Variants in PLA2G5 observed in about 807,000 individuals in gnomAD.
PLA2G5 encodes the protein phospholipase A2 group V.
Under a neutral mutation model 15.9 loss-of-function variants are expected in PLA2G5, and 12 were observed. That is an observed-to-expected ratio of 0.76 (90% confidence interval 0.48 to 1.23). The LOEUF (loss-of-function observed/expected upper bound fraction) is 1.23, where lower values mean the gene tolerates loss of function less well. PLA2G5 is among the 50% of genes most tolerant of loss of function. The pLI is 0.00. For synonymous variants in PLA2G5, 71 were observed against 71.4 expected, an observed-to-expected ratio of 0.99 and a Z score of 0.03; for missense variants, 169 against 177.1, an observed-to-expected ratio of 0.95 and a Z score of 0.26.
intron 1 of PLA2G5, among the ~76,000 whole-genome samples, chr1:20,079,138 C>G (rs1404450171): frequency 7.1e-6 from 1 of 141,592 alleles, no homozygotes; most frequent in Non-Finnish European, 1.5e-5. Flanking sequence ...AAAAAAAATC[C>G]AAGTCTTCTC....
chr1:20,029,221 C>G (rs2012744952), intron 1 of PLA2G5, among the ~76,000 whole-genome samples: 2 of 152,134 alleles, frequency 1.3e-5, no homozygotes, highest in Admixed American at 1.3e-4. Flanking sequence ...GCTTGGCACC[C>G]TGCGCTCTCC....
Position 20,086,120 on chromosome 1 carries a change from A to C in PLA2G5, c.78A>C (p.Lys26Asn). 1 of 1,614,116 alleles carries C rather than the reference A, an allele frequency of 6.2e-7. No homozygotes were observed. Among genetic ancestry groups the C allele is most frequent in the Non-Finnish European group, 8.5e-7 (1 of 1,180,024 alleles). ...PAVQGGLLDL[K>N]SMIEKVTGKN... is the part of the protein sequence containing the mutation. ...TGCAAGGAGGCTTGCTGGACCTAAA[A>C]TCAATGATCGAGAAGGTGACAGGGA... Residue 26 changes from lysine to asparagine, a missense_variant, in exon 3 of 5, where the codon AAA becomes AAC. Lys to Asn is a moderately conservative substitution (Grantham distance 94). Coordinates refer to ENST00000375108, the MANE Select transcript of PLA2G5 (RefSeq NM_000929.3).
chr1:20,042,313 A>C (rs2013644944), intron 1 of PLA2G5, among the ~76,000 whole-genome samples: 1 of 152,222 alleles, frequency 6.6e-6, no homozygotes, highest in South Asian at 2.1e-4. Flanking sequence ...GGTGAGGAAC[A>C]GGAAAGAAGG....
At chr1:20,032,048 G>A (rs1319508589) in intron 1 of PLA2G5, among the ~76,000 whole-genome samples, 1 of 152,116 alleles carries the variant, frequency 6.6e-6, no homozygotes, top group Non-Finnish European at 1.5e-5. Flanking sequence ...TAGGCTGAGG[G>A]GATTTTAGGG....
At chr1:20,028,422 C>G (rs2012668692), upstream of PLA2G5, 1 of 152,182 alleles carries the variant, frequency 6.6e-6, no homozygotes, top group Non-Finnish European at 1.5e-5. Flanking sequence ...TAAGCACGGT[C>G]TGTGAAATGG....
intron 1 of PLA2G5, among the ~76,000 whole-genome samples, chr1:20,052,383 T>C (rs1334579632): frequency 6.6e-6 from 1 of 152,236 alleles, no homozygotes; most frequent in East Asian, 1.9e-4. Flanking sequence ...TGTAAAGCTC[T>C]GTGAACTGAA....
rs376863100 is a variant in PLA2G5 at position 20,071,750 on chromosome 1, C to T, written c.-11+1285C>T. Among the ~76,000 whole-genome samples, 20 of 152,238 alleles carry T rather than the reference C, an allele frequency of 1.3e-4. No homozygotes were observed. The East Asian group carries it at 2.5e-3, about 19-fold the overall frequency. On this transcript the variant is annotated intron_variant, in intron 1 of 4. Coordinates refer to ENST00000375108, the MANE Select transcript of PLA2G5 (RefSeq NM_000929.3). ...TCCCCTAGGATGTCCCCATAGCTTG[C>T]TCCTTCACGGCTTTACTCAAGTGTC...
intron 1 of PLA2G5, among the ~76,000 whole-genome samples, chr1:20,040,826 G>A (rs1185019731): frequency 6.6e-6 from 1 of 152,162 alleles, no homozygotes; most frequent in Non-Finnish European, 1.5e-5. Context: ...GTATCTGATT[G>A]CATCCTTTGG....
intron 2 of PLA2G5, among the ~76,000 whole-genome samples, 200 bp downstream of exon 2, chr1:20,085,070 C>T (rs536727312): frequency 2.2e-4 from 34 of 152,188 alleles, no homozygotes; most frequent in Non-Finnish European, 4.0e-4. Flanking sequence ...GCAGTCCATG[C>T]GTAAGGCTGT....
chr1:20,076,814 G>T (rs1221014599), intron 1 of PLA2G5: 2 of 152,246 alleles, frequency 1.3e-5, no homozygotes, highest in African/African-American at 4.8e-5. Context: ...TCCAGAGACA[G>T]GTAAGCTCCC....
At chr1:20,082,701 C>T (rs1009823570) in intron 1 of PLA2G5, among the ~76,000 whole-genome samples, 1 of 151,914 alleles carries the variant, frequency 6.6e-6, no homozygotes, top group African/African-American at 2.4e-5. Flanking sequence ...GAAAGGCATG[C>T]TCACAGAGGA....
intron 1 of PLA2G5, among the ~76,000 whole-genome samples, chr1:20,055,702 G>C (rs1478699323): frequency 6.6e-6 from 1 of 152,126 alleles, no homozygotes. Context: ...ACCCTTCTTT[G>C]GTTGTCTCAC....
At position 20,090,716 on chromosome 1, in the gene PLA2G5, G is replaced by C. The variant is rs755995432; in HGVS notation, c.*24G>C. On this transcript the variant is annotated 3_prime_UTR_variant, in exon 5 of 5. Transcript: ENST00000375108. ...AGGCCTCCCCAGCGAGCTCCTCCCA[G>C]ACCAAGACTTTTGTTCTGTTTTTCT... is the stretch of plus-strand genomic sequence containing the variant. The C allele has an allele frequency of 1.9e-6, 3 of 1,613,266 alleles. No individual in the cohort carries two copies. In the South Asian group the frequency reaches 3.3e-5, roughly 18 times the overall value.
chr1:20,033,085 C>A (rs530435629), intron 1 of PLA2G5, among the ~76,000 whole-genome samples: 2 of 152,046 alleles, frequency 1.3e-5, no homozygotes, highest in South Asian at 2.1e-4. Flanking sequence ...ATTGGTTAAC[C>A]CTTTCCTTTT....
chr1:20,039,807 C>T (rs1245877822), intron 1 of PLA2G5, among the ~76,000 whole-genome samples: 1 of 152,096 alleles, frequency 6.6e-6, no homozygotes, highest in Non-Finnish European at 1.5e-5. Context: ...TTAATCAGAT[C>T]ACAAAAAGAA....
chr1:20,057,371 CTG>C (rs2014489607), intron 1 of PLA2G5, among the ~76,000 whole-genome samples: 1 of 151,346 alleles, frequency 6.6e-6, no homozygotes, highest in African/African-American at 2.4e-5. Context: ...CCTTTAAACA[CTG>C]TTGTCACTGC....
At chr1:20,049,183 G>C (rs2014061585) in intron 1 of PLA2G5, among the ~76,000 whole-genome samples, 1 of 152,184 alleles carries the variant, frequency 6.6e-6, no homozygotes, top group African/African-American at 2.4e-5. Flanking sequence ...TAAAATGACT[G>C]GTTATTTAAG....
chr1:20,045,552 T>C (rs1448584202), intron 1 of PLA2G5, among the ~76,000 whole-genome samples: 1 of 152,012 alleles, frequency 6.6e-6, no homozygotes, highest in African/African-American at 2.4e-5. Context: ...AAGGGAGAGA[T>C]TGAAGGGTGG....
rs1344528653 is a variant in PLA2G5, at chr1:20,070,328, C to G, written c.-148C>G. ...TCTGGAGGCCAAGAATTTGACTCCC[C>G]CCGGATCCATGGTCTGTGGATACCA... is the stretch of plus-strand genomic sequence containing the variant. On this transcript the variant is annotated 5_prime_UTR_variant, in exon 1 of 5. Transcript: ENST00000375108. 10 of 985,380 alleles carry G rather than the reference C, an allele frequency of 1.0e-5. No individual in the cohort carries two copies. Among genetic ancestry groups the G allele is most frequent in the Non-Finnish European group, 1.2e-5 (10 of 829,974 alleles). The allele number at this position is 985,380 out of a possible 1,614,324, so 61.0% of individuals were successfully genotyped here. A position where few individuals can be genotyped will look rare whatever the true frequency, so the allele number is the denominator to read the frequency against.
Sources: allele counts gnomAD v4.1 joint callset (sites outside exome capture counted in the v4.1 genomes callset), GRCh38; gene constraint gnomAD v4.1.1; transcripts MANE v1.5; gene names NCBI Gene and HGNC (gene_info 2026-07-23, HGNC 2026-07-21).